NIPBL: variants seen among roughly 807,000 people sequenced by gnomAD.
NIPBL encodes the protein nipped-B-like protein.
A neutral mutation model predicts 321.8 loss-of-function variants in NIPBL; 19 were observed. That is an observed-to-expected ratio of 0.06 (90% confidence interval 0.04 to 0.09). The LOEUF (loss-of-function observed/expected upper bound fraction) is 0.09, where lower values mean the gene tolerates loss of function less well. Among genes scored for constraint, NIPBL ranks in the 10% least tolerant of loss-of-function variants. The pLI, the probability that NIPBL is intolerant of heterozygous loss-of-function variation, is 1.00. For missense variants in NIPBL, 2,210 were observed against 3,327.0 expected (o/e 0.66, Z 8.26); for synonymous variants, 1,106 against 1,114.1 (o/e 0.99, Z 0.14).
intron 1 of NIPBL, among the ~76,000 whole-genome samples, chr5:36,889,913 G>T (rs1325766007): frequency 6.7e-6 from 1 of 149,458 alleles, no homozygotes; most frequent in Non-Finnish European, 1.5e-5. Context: ...TAGAACCAAT[G>T]TGAAAAAAAA....
chr5:37,015,415 C>T lies in NIPBL; in HGVS notation c.4644-623C>T, dbSNP rs62354967. 2.4e-4 allele frequency among the ~76,000 whole-genome samples: 36 copies of T among 152,284 alleles called. No homozygotes were observed. In the East Asian group the frequency reaches 3.3e-3, roughly 14 times the overall value. ...CTGGGATTACAGGCGTGAGCCACTG[C>T]GCCCAGCCCAGCCTCCATAAGAATT... is the stretch of plus-strand genomic sequence containing the variant. On this transcript the variant is annotated intron_variant, in intron 22 of 46. Transcript: ENST00000282516.
At position 37,055,459 on chromosome 5, in the gene NIPBL, A is replaced by G. The variant is rs192599837; in HGVS notation, c.7264-1727A>G. On this transcript the variant is annotated intron_variant, in intron 42 of 46. Transcript: ENST00000282516. ...AGAATAGTTAGTGGACAACTGGAAT[A>G]TTTTTATCTTGAGCACCTGAAACAA... 3.3e-3 allele frequency among the ~76,000 whole-genome samples: 495 copies of G among 152,170 alleles called. 2 individuals carry two copies. The highest frequency in any genetic ancestry group is 0.012 in the African/African-American group (478 of 41,544).
intron 1 of NIPBL, among the ~76,000 whole-genome samples, chr5:36,929,204 G>T (rs1749590305): frequency 6.6e-6 from 1 of 152,086 alleles, no homozygotes; most frequent in South Asian, 2.1e-4. Flanking sequence ...TTTAATGGAT[G>T]TGTCATGGTA....
chr5:36,968,110 A>AC lies in NIPBL; in HGVS notation c.611-2766_611-2765insC, dbSNP rs1561090712. 6.4e-5 allele frequency among the ~76,000 whole-genome samples: 9 copies of AC among 140,668 alleles called. No homozygotes were observed. In the South Asian group the frequency reaches 1.8e-3, roughly 28 times the overall value. The allele number at this position is 140,668 out of a possible 152,430, so 92.3% of individuals were successfully genotyped here. A position where few individuals can be genotyped will look rare whatever the true frequency, so the allele number is the denominator to read the frequency against. ...GACTCTGTCTCAAAAAAAAAAAAAA[A>AC]ACAAAAAACAAAAAACGAATAAGCA... On this transcript the variant is annotated intron_variant, in intron 6 of 46. Coordinates refer to ENST00000282516, the MANE Select transcript of NIPBL (RefSeq NM_133433.4).
At chr5:37,042,493 C>T (rs1003674207) in intron 34 of NIPBL, among the ~76,000 whole-genome samples, 4 of 148,498 alleles carry the variant, frequency 2.7e-5, no homozygotes, top group East Asian at 4.1e-4. Flanking sequence ...GGATTAGTAG[C>T]TTAAAAACTA....
intron 37 of NIPBL, among the ~76,000 whole-genome samples, 164 bp from the exon 38 acceptor site, chr5:37,045,945 G>A (rs1387020416): frequency 6.6e-6 from 1 of 152,118 alleles, no homozygotes; most frequent in Non-Finnish European, 1.5e-5. Context: ...GTCACAGACT[G>A]ATACTTTGAA....
intron 1 of NIPBL, among the ~76,000 whole-genome samples, chr5:36,888,680 T>A (rs1303322133): frequency 6.6e-6 from 1 of 152,092 alleles, no homozygotes; most frequent in Non-Finnish European, 1.5e-5. Context: ...TGTTTGTGAG[T>A]TTGGAAATTA....
chr5:36,974,029 C>G (rs932505358), intron 8 of NIPBL, among the ~76,000 whole-genome samples: 1 of 152,038 alleles, frequency 6.6e-6, no homozygotes, highest in South Asian at 2.1e-4. Context: ...GGATAAAAAC[C>G]CGGCTTCTGA....
chr5:37,043,614 C>T (rs1026453436), intron 34 of NIPBL, among the ~76,000 whole-genome samples: 1 of 152,042 alleles, frequency 6.6e-6, no homozygotes, highest in Non-Finnish European at 1.5e-5. Flanking sequence ...TCAGGAAAAT[C>T]GCTCAAGCTC....
At position 37,016,107 on chromosome 5, in the gene NIPBL, A is replaced by G. The variant is rs745615007; in HGVS notation, c.4713A>G (p.Ser1571=). The G allele has an allele frequency of 1.2e-6, 2 of 1,613,962 alleles. No homozygotes were observed. The highest frequency in any genetic ancestry group is 2.2e-5 in the South Asian group (2 of 91,082). The change falls in exon 23 of 47, where the codon TCA becomes TCG. Residue 1571 remains serine (S), a synonymous_variant. Coordinates refer to ENST00000282516, the MANE Select transcript of NIPBL (RefSeq NM_133433.4). ...LFENFVQDLL[S]TVNKPEWPAA... is the part of the protein sequence containing the mutation. Reference sequence around the variant, plus strand: ...AAAATTTTGTTCAAGACCTTCTTTCAACAGTCAATAAGCCTGAATGGCCAG... The same window carrying G: ...AAAATTTTGTTCAAGACCTTCTTTCGACAGTCAATAAGCCTGAATGGCCAG...
chr5:37,043,623 T>C (rs1752683106), intron 34 of NIPBL, among the ~76,000 whole-genome samples: 1 of 151,932 alleles, frequency 6.6e-6, no homozygotes, highest in Non-Finnish European at 1.5e-5. Context: ...TCGCTCAAGC[T>C]CAGGAGCAGG....
In NIPBL at chr5:37,050,240, G is replaced by A. The variant is rs545478919; in HGVS notation, c.6954+939G>A. 2.6e-5 allele frequency among the ~76,000 whole-genome samples: 4 copies of A among 151,918 alleles called. No homozygotes were observed. The East Asian group carries it at 7.7e-4, about 29-fold the overall frequency. ...AGCACTTTGGGAGGCAGAGGTGGGC[G>A]GATCACTTGAGTCAGGAGTTCAAAA... On this transcript the variant is annotated intron_variant, in intron 40 of 46. Coordinates refer to ENST00000282516, the MANE Select transcript of NIPBL (RefSeq NM_133433.4).
chr5:36,911,373 TG>T (rs1748037212), intron 1 of NIPBL, among the ~76,000 whole-genome samples: 1 of 151,974 alleles, frequency 6.6e-6, no homozygotes, highest in Non-Finnish European at 1.5e-5. Flanking sequence ...GCAGTAACAG[TG>T]ATTATTTCCT....
At chr5:37,042,518 A>C (rs919216085) in intron 34 of NIPBL, among the ~76,000 whole-genome samples, 1 of 151,352 alleles carries the variant, frequency 6.6e-6, no homozygotes, top group Non-Finnish European at 1.5e-5. Context: ...AAGGCTGGAC[A>C]TGATGGCTCA....
At chr5:36,911,978 T>A (rs1748083648) in intron 1 of NIPBL, among the ~76,000 whole-genome samples, 1 of 152,090 alleles carries the variant, frequency 6.6e-6, no homozygotes, top group Non-Finnish European at 1.5e-5. Flanking sequence ...TTTGAAGACT[T>A]TTAAGAGGGG....
intron 33 of NIPBL, among the ~76,000 whole-genome samples, chr5:37,037,635 T>C (rs968347403): frequency 8.0e-5 from 12 of 150,468 alleles, no homozygotes; most frequent in African/African-American, 2.7e-4. Flanking sequence ...CAGTCTTTTT[T>C]TTTTTTTTCC....
In NIPBL at chr5:36,955,641, A is replaced by G; in HGVS notation, c.230+4A>G. The G allele has an allele frequency of 6.2e-7, 1 of 1,611,300 alleles. No individual in the cohort carries two copies. Among genetic ancestry groups the G allele is most frequent in the Non-Finnish European group, 8.5e-7 (1 of 1,177,680 alleles). On this transcript the variant is annotated splice_donor_region_variant and intron_variant, in intron 3 of 46. Coordinates refer to ENST00000282516, the MANE Select transcript of NIPBL (RefSeq NM_133433.4). ...ACCAGGTATCAACAGATCACATGTA[A>G]GTATGATCAATTTTATATCTACTAT...
chr5:37,023,087 CAA>C (rs1749836830), intron 29 of NIPBL, among the ~76,000 whole-genome samples: 1 of 152,174 alleles, frequency 6.6e-6, no homozygotes, highest in Non-Finnish European at 1.5e-5. Context: ...ACCTCAATGA[CAA>C]GAGTTTATTT....
At chr5:37,031,790 C>A (rs1215184299) in intron 32 of NIPBL, among the ~76,000 whole-genome samples, 1 of 152,160 alleles carries the variant, frequency 6.6e-6, no homozygotes, top group African/African-American at 2.4e-5. Flanking sequence ...GGTATTAATA[C>A]ATACAGCAAC....
Sources: gnomAD v4.1 joint callset for allele counts (sites outside exome capture counted in the v4.1 genomes callset) on GRCh38, gnomAD v4.1.1 for gene constraint, MANE v1.5 for transcripts, NCBI Gene and HGNC (gene_info 2026-07-23, HGNC 2026-07-21) for gene names.